The following C1QTNF3 variants were observed in gnomAD, a reference collection of about 807,000 sequenced individuals.
C1QTNF3 encodes the protein complement C1q tumor necrosis factor-related protein 3.
Under a neutral mutation model 32.6 loss-of-function variants are expected in C1QTNF3, and 26 were observed. The ratio of observed to expected loss-of-function variants is 0.80; its 90% confidence interval spans 0.58 to 1.11. The LOEUF (loss-of-function observed/expected upper bound fraction) is 1.11, where lower values mean the gene tolerates loss of function less well. Among genes scored for constraint, C1QTNF3 ranks in the 50% least tolerant of loss-of-function variants. C1QTNF3 has a pLI of 0.00. For missense variants in C1QTNF3, 362 were observed against 398.2 expected (o/e 0.91, Z 0.77); for synonymous variants, 155 against 146.0 (o/e 1.06, Z -0.44).
At chr5:34,154,235 A>G in the C1QTNF3 span, among the ~76,000 whole-genome samples, 24 of 152,310 alleles carry the variant, frequency 1.6e-4, no homozygotes, top group South Asian at 5.0e-3. Flanking sequence ...GGAAAGTATA[A>G]CGAGTTTTTT....
At chr5:34,213,758 TACACACACACAC>T in the C1QTNF3 span, among the ~76,000 whole-genome samples, 38 of 111,898 alleles carry the variant, frequency 3.4e-4, no homozygotes, top group Non-Finnish European at 4.1e-4. Flanking sequence ...TATATATATA[TACACACACACAC>T]ATACGTGTAT....
At chr5:34,121,055 T>C in the C1QTNF3 span, among the ~76,000 whole-genome samples, 2 of 152,232 alleles carry the variant, frequency 1.3e-5, no homozygotes, top group Non-Finnish European at 2.9e-5. Context: ...ACATCTTCCA[T>C]ATTTTCTTTA....
Position 34,028,978 on chromosome 5 carries a change from C to A in C1QTNF3, c.571-95G>T. On this transcript the variant is annotated intron_variant, in intron 3 of 5. Transcript: ENST00000382065. ...GTTTGTTAAACATTATACATAACAGCAAGATTGGGAATAAACATCAATCTA... is the reference window on the plus strand; with the variant it reads ...GTTTGTTAAACATTATACATAACAGAAAGATTGGGAATAAACATCAATCTA... The A allele has an allele frequency of 2.9e-6, 3 of 1,019,180 alleles. No homozygotes were observed. In the South Asian group the frequency reaches 5.2e-5, roughly 18 times the overall value. The allele number at this position is 1,019,180 out of a possible 1,614,324, so 63.1% of individuals were successfully genotyped here. A position where few individuals can be genotyped will look rare whatever the true frequency, so the allele number is the denominator to read the frequency against.
chr5:34,045,128 C>A (rs1185963113), upstream of C1QTNF3, among the ~76,000 whole-genome samples: 1 of 152,172 alleles, frequency 6.6e-6, no homozygotes, highest in Admixed American at 6.5e-5. Context: ...CTAGGTCACC[C>A]AATTCACAGG....
chr5:34,085,847 T>C, the C1QTNF3 span, among the ~76,000 whole-genome samples: 1 of 151,776 alleles, frequency 6.6e-6, no homozygotes, highest in South Asian at 2.1e-4. Context: ...GGTGGGAGTG[T>C]AAATTTGTTC....
the C1QTNF3 span, among the ~76,000 whole-genome samples, chr5:34,134,309 A>G: frequency 6.6e-6 from 1 of 151,980 alleles, no homozygotes; most frequent in Non-Finnish European, 1.5e-5. Context: ...CAGTCATAAC[A>G]TCTATACAAG....
chr5:34,140,126 T>G, the C1QTNF3 span, among the ~76,000 whole-genome samples: 18 of 151,890 alleles, frequency 1.2e-4, no homozygotes, highest in African/African-American at 3.9e-4. Flanking sequence ...CAGCGGAGAG[T>G]TGAAGATTTG....
chr5:34,155,561 A>G, the C1QTNF3 span, among the ~76,000 whole-genome samples: 2 of 152,184 alleles, frequency 1.3e-5, no homozygotes, highest in Non-Finnish European at 2.9e-5. Context: ...TAAGAACTCT[A>G]TTGACAGATA....
chr5:34,048,988 C>A, the C1QTNF3 span, among the ~76,000 whole-genome samples: 2 of 152,178 alleles, frequency 1.3e-5, no homozygotes, highest in Non-Finnish European at 2.9e-5. Context: ...CAGATCACTT[C>A]CATCTTTCCT....
At chr5:34,048,285 T>TGTGTGCGC in the C1QTNF3 span, among the ~76,000 whole-genome samples, 4 of 98,412 alleles carry the variant, frequency 4.1e-5, no homozygotes, top group African/African-American at 1.4e-4. Context: ...TGTGTGTGTG[T>TGTGTGCGC]GCATGAGAGA....
At chr5:34,156,428 A>C in the C1QTNF3 span, among the ~76,000 whole-genome samples, 2 of 152,254 alleles carry the variant, frequency 1.3e-5, no homozygotes, top group African/African-American at 4.8e-5. Context: ...CATAGTATTT[A>C]TACTGTGATT....
At chr5:34,043,558 T>G, upstream of C1QTNF3, 1 of 167,786 alleles carries the variant, frequency 6.0e-6, no homozygotes, top group East Asian at 1.7e-4. Context: ...TGCCAGGAAA[T>G]TCAGGCTTAA....
At chr5:34,030,865 A>G (rs1275209995) in intron 3 of C1QTNF3, among the ~76,000 whole-genome samples, 1 of 152,186 alleles carries the variant, frequency 6.6e-6, no homozygotes, top group Non-Finnish European at 1.5e-5. Flanking sequence ...TCTCATGTAT[A>G]TGTGGGAGCT....
At chr5:34,161,768 T>C in the C1QTNF3 span, among the ~76,000 whole-genome samples, 1 of 152,164 alleles carries the variant, frequency 6.6e-6, no homozygotes, top group Non-Finnish European at 1.5e-5. Context: ...AAACAACATA[T>C]ATGGAGAGTT....
the C1QTNF3 span, among the ~76,000 whole-genome samples, chr5:34,174,561 C>A: frequency 1.3e-5 from 2 of 152,092 alleles, no homozygotes; most frequent in East Asian, 1.9e-4. Flanking sequence ...CTTTCAAAAG[C>A]CTATCTTCCC....
At chr5:34,241,933 A>G in the C1QTNF3 span, among the ~76,000 whole-genome samples, 3 of 110,944 alleles carry the variant, frequency 2.7e-5, no homozygotes, top group East Asian at 5.7e-4. Context: ...GGATGGACGG[A>G]AGGGAGGAAG....
At chr5:34,121,781 A>G in the C1QTNF3 span, among the ~76,000 whole-genome samples, 18 of 152,310 alleles carry the variant, frequency 1.2e-4, no homozygotes, top group African/African-American at 3.8e-4. Context: ...ATGATGGTAT[A>G]AGGAGGTGGG....
chr5:34,203,816 T>C, the C1QTNF3 span, among the ~76,000 whole-genome samples: 1 of 148,010 alleles, frequency 6.8e-6, no homozygotes, highest in Admixed American at 6.7e-5. Flanking sequence ...TTAAAGTAAA[T>C]GGGTGAAAAA....
chr5:34,159,881 T>C, the C1QTNF3 span, among the ~76,000 whole-genome samples: 1 of 148,320 alleles, frequency 6.7e-6, no homozygotes, highest in African/African-American at 2.5e-5. Flanking sequence ...CAAAGTTCTG[T>C]GAGAAAGATT....
Sources: gnomAD v4.1 joint callset for allele counts (sites outside exome capture counted in the v4.1 genomes callset) on GRCh38, gnomAD v4.1.1 for gene constraint, MANE v1.5 for transcripts, NCBI Gene and HGNC (gene_info 2026-07-23, HGNC 2026-07-21) for gene names.